The following MARCHF1 variants were observed in gnomAD, a reference collection of about 807,000 sequenced individuals.
The protein encoded by MARCHF1 is membrane associated ring-CH-type finger 1, also known as E3 ubiquitin-protein ligase MARCHF1.
MARCHF1 carries 40 observed loss-of-function variants against 54.2 expected under a neutral mutation model. The ratio of observed to expected loss-of-function variants is 0.74; its 90% CI spans 0.57 to 0.96. The LOEUF (loss-of-function observed/expected upper bound fraction) is 0.96, where lower values mean the gene tolerates loss of function less well. Ranked by LOEUF, MARCHF1 falls within the 40% of genes least tolerant of loss-of-function variation. The pLI is 0.00. For missense variants in MARCHF1, 586 were observed against 656.5 expected (o/e 0.89, Z 1.17); for synonymous variants, 236 against 236.3 (o/e 1.00, Z 0.01).
At chr4:163,799,865 G>A (rs978224035) in intron 4 of MARCHF1, among the ~76,000 whole-genome samples, 1 of 151,986 alleles carries the variant, frequency 6.6e-6, no homozygotes, top group Non-Finnish European at 1.5e-5. Context: ...ATTCACTATA[G>A]CAAAAACATG....
At chr4:163,543,524 G>A (rs1217368419) in intron 9 of MARCHF1, among the ~76,000 whole-genome samples, 3 of 152,080 alleles carry the variant, frequency 2.0e-5, no homozygotes, top group Admixed American at 1.3e-4. Flanking sequence ...ATAGGTGGAT[G>A]TATGGGTTGG....
intron 5 of MARCHF1, among the ~76,000 whole-genome samples, chr4:163,630,055 A>G (rs6837768): frequency 0.073 from 11,043 of 152,196 alleles, 1,260 homozygotes; most frequent in African/African-American, 0.24. Flanking sequence ...AAATAAACCT[A>G]CCATATAACC....
At chr4:163,659,410 G>C (rs1743264637) in intron 5 of MARCHF1, among the ~76,000 whole-genome samples, 1 of 152,022 alleles carries the variant, frequency 6.6e-6, no homozygotes, top group Admixed American at 6.6e-5. Flanking sequence ...ATTCAAGATG[G>C]ATTAAAGACT....
chr4:164,176,448 A>G (rs1392182110), intron 1 of MARCHF1, among the ~76,000 whole-genome samples: 1 of 152,154 alleles, frequency 6.6e-6, no homozygotes, highest in East Asian at 1.9e-4. Flanking sequence ...TGCATATCAC[A>G]AGGGAAAAAA....
chr4:163,788,084 A>C (rs1272301257), intron 4 of MARCHF1, among the ~76,000 whole-genome samples: 1 of 151,996 alleles, frequency 6.6e-6, no homozygotes, highest in East Asian at 1.9e-4. Context: ...AGAGGAAATT[A>C]GAGTTTAATG....
intron 1 of MARCHF1, among the ~76,000 whole-genome samples, chr4:164,243,604 C>T (rs1442407294): frequency 1.4e-5 from 2 of 146,638 alleles, no homozygotes; most frequent in Non-Finnish European, 3.0e-5. Flanking sequence ...TTCACACATA[C>T]CAATATTAAC....
intron 4 of MARCHF1, among the ~76,000 whole-genome samples, chr4:163,780,279 T>C (rs774767688): frequency 2.0e-5 from 3 of 152,140 alleles, no homozygotes; most frequent in Non-Finnish European, 4.4e-5. Context: ...AAAGAAAAGG[T>C]GTGCATGGAA....
intron 1 of MARCHF1, among the ~76,000 whole-genome samples, chr4:164,285,819 T>TAAA (rs78385104): frequency 0.015 from 1,446 of 95,682 alleles, 26 homozygotes; most frequent in East Asian, 0.089. Context: ...TGTAGTTCTT[T>TAAA]AAAAAAAAAA....
chr4:163,678,261 A>G (rs1035216913), intron 5 of MARCHF1, among the ~76,000 whole-genome samples: 2 of 152,170 alleles, frequency 1.3e-5, no homozygotes, highest in Non-Finnish European at 2.9e-5. Flanking sequence ...GGTTAAAGCA[A>G]TCGCCATCTC....
In MARCHF1 at chr4:164,348,856, T is replaced by C. The variant is rs545733691; in HGVS notation, c.-323+35014A>G. Among the ~76,000 whole-genome samples, 608 of 152,272 alleles carry C rather than the reference T, an allele frequency of 4.0e-3. 9 individuals carry two copies. Among genetic ancestry groups the C allele is most frequent in the South Asian group, 0.017 (82 of 4,826 alleles). The stretch of plus-strand genomic sequence containing the variant: ...AAATACTACTATATTGCTTGCACTC[T>C]TCCAGATACAGAAGATACCACAAAG... On this transcript the variant is annotated intron_variant, in intron 1 of 9. Transcript: ENST00000514618.
At chr4:163,995,126 A>T (rs1282589128) in intron 2 of MARCHF1, among the ~76,000 whole-genome samples, 1 of 152,058 alleles carries the variant, frequency 6.6e-6, no homozygotes, top group Non-Finnish European at 1.5e-5. Flanking sequence ...GACACCAGTC[A>T]CAAGTCCAGA....
intron 1 of MARCHF1, among the ~76,000 whole-genome samples, chr4:164,233,671 C>T (rs1460698263): frequency 6.6e-6 from 1 of 152,070 alleles, no homozygotes; most frequent in Non-Finnish European, 1.5e-5. Flanking sequence ...AAGTGTAGGT[C>T]CTATCCTCCA....
intron 1 of MARCHF1, among the ~76,000 whole-genome samples, chr4:164,206,389 G>T (rs1032713858): frequency 2.6e-5 from 4 of 152,022 alleles, no homozygotes; most frequent in Admixed American, 2.0e-4. Flanking sequence ...GTGAGCCAAG[G>T]TCATGCCATT....
intron 4 of MARCHF1, among the ~76,000 whole-genome samples, chr4:163,733,209 A>ACGTGTATATATATACACATG: frequency 2.8e-5 from 1 of 35,744 alleles, no homozygotes; most frequent in East Asian, 7.6e-4. Flanking sequence ...ATATATATAT[A>ACGTGTATATATATACACATG]TATATATATA....
At chr4:163,714,556 G>A (rs1005538776) in intron 4 of MARCHF1, among the ~76,000 whole-genome samples, 6 of 152,312 alleles carry the variant, frequency 3.9e-5, no homozygotes, top group African/African-American at 1.4e-4. Flanking sequence ...TATCACAGAT[G>A]TTTCATAAAT....
chr4:164,176,959 T>C (rs1323727375), intron 1 of MARCHF1, among the ~76,000 whole-genome samples: 3 of 48,520 alleles, frequency 6.2e-5, no homozygotes, highest in Non-Finnish European at 1.1e-4. Context: ...TCTCTCTCTC[T>C]CTCTCTCTCT....
chr4:163,593,100 T>C (rs1240187884), intron 7 of MARCHF1, among the ~76,000 whole-genome samples: 1 of 152,122 alleles, frequency 6.6e-6, no homozygotes, highest in African/African-American at 2.4e-5. Context: ...AGGAAATGAG[T>C]TCCCCAGTGC....
chr4:164,139,243 TA>T (rs201363991), intron 1 of MARCHF1, among the ~76,000 whole-genome samples: 1 of 151,296 alleles, frequency 6.6e-6, no homozygotes. Flanking sequence ...TTCTTTACTT[TA>T]AAAAAAAATC....
At chr4:163,918,158 C>A (rs1751350442) in intron 3 of MARCHF1, among the ~76,000 whole-genome samples, 1 of 152,134 alleles carries the variant, frequency 6.6e-6, no homozygotes, top group Non-Finnish European at 1.5e-5. Context: ...GGAATCCTTT[C>A]ACCATTGCTT....
Sources: allele counts gnomAD v4.1 joint callset (sites outside exome capture counted in the v4.1 genomes callset), GRCh38; gene constraint gnomAD v4.1.1; transcripts MANE v1.5; gene names NCBI Gene and HGNC (gene_info 2026-07-23, HGNC 2026-07-21).